Variants in MYO3B observed in about 807,000 individuals in gnomAD.
The protein encoded by MYO3B is myosin-IIIb.
Under a neutral mutation model 174.6 loss-of-function variants are expected in MYO3B, and 156 were observed. That is an observed-to-expected ratio of 0.89 (90% confidence interval 0.78 to 1.02). MYO3B has a LOEUF of 1.02. Among genes scored for constraint, MYO3B ranks in the 50% least tolerant of loss-of-function variants. MYO3B has a pLI of 0.00. For synonymous variants in MYO3B, 563 were observed against 569.1 expected (o/e 0.99, Z 0.15); for missense variants, 1,632 against 1,639.4 (o/e 1.00, Z 0.08).
chr2:170,212,112 G>A (rs2092776646), intron 3 of MYO3B, among the ~76,000 whole-genome samples: 1 of 151,952 alleles, frequency 6.6e-6, no homozygotes. Flanking sequence ...GTGTGGTGGC[G>A]CATACCTGTA....
intron 32 of MYO3B, among the ~76,000 whole-genome samples, chr2:170,560,217 T>C (rs1691614998): frequency 6.6e-6 from 1 of 152,232 alleles, no homozygotes; most frequent in Non-Finnish European, 1.5e-5. Flanking sequence ...TTTCCCTCGA[T>C]ACTACCACAA....
At position 170,383,819 on chromosome 2, in the gene MYO3B, G is replaced by A; in HGVS notation, c.1290+5G>A. 3 of 1,604,844 alleles carry A rather than the reference G, an allele frequency of 1.9e-6. No individual in the cohort carries two copies. Among genetic ancestry groups the A allele is most frequent in the Non-Finnish European group, 1.7e-6 (2 of 1,171,652 alleles). ...GTTACTCTCAGCAAAGACCAGGTAA[G>A]AACTCACCTTCCTTTCCTACGGAGT... is the stretch of plus-strand genomic sequence containing the variant. On this transcript the variant is annotated splice_donor_5th_base_variant and intron_variant, in intron 12 of 34. Coordinates refer to ENST00000408978, the MANE Select transcript of MYO3B (RefSeq NM_138995.5).
At chr2:170,462,013 A>G (rs1684322635) in intron 23 of MYO3B, among the ~76,000 whole-genome samples, 1 of 152,210 alleles carries the variant, frequency 6.6e-6, no homozygotes, top group African/African-American at 2.4e-5. Flanking sequence ...TGAGAAAGGG[A>G]AAGAAACCTC....
Position 170,280,888 on chromosome 2 carries a change from A to G in MYO3B, c.749+44752A>G, listed in dbSNP as rs142696196. On this transcript the variant is annotated intron_variant, in intron 7 of 34. Coordinates refer to ENST00000408978, the MANE Select transcript of MYO3B (RefSeq NM_138995.5). ...GTTTTGGTTACTGTAGCCCTGTAGT[A>G]TAGTTTAAAGTTTAGTAATATGATG... Among the ~76,000 whole-genome samples, 353 of 152,190 alleles carry G rather than the reference A, an allele frequency of 2.3e-3. 1 individual carries two copies. Among genetic ancestry groups the G allele is most frequent in the African/African-American group, 7.7e-3 (321 of 41,520 alleles).
chr2:170,227,885 A>G (rs1266000237), intron 6 of MYO3B, among the ~76,000 whole-genome samples: 9 of 152,122 alleles, frequency 5.9e-5, no homozygotes, highest in African/African-American at 1.7e-4. Context: ...TTGAGCGCAT[A>G]TATCTCTTAA....
Position 170,420,784 on chromosome 2 carries a change from T to C in MYO3B, c.2650+12940T>C, listed in dbSNP as rs1157356581. Among the ~76,000 whole-genome samples the C allele has an allele frequency of 2.6e-5, 4 of 152,134 alleles. No individual in the cohort carries two copies. The East Asian group carries it at 5.8e-4, about 22-fold the overall frequency. On this transcript the variant is annotated intron_variant, in intron 22 of 34. Coordinates refer to ENST00000408978, the MANE Select transcript of MYO3B (RefSeq NM_138995.5). ...CTGTTTCATTTATATACCAAACATG[T>C]AGTCAGTACTGGTCACATTACTTCA...
chr2:170,329,014 T>C (rs1317166350), intron 7 of MYO3B, among the ~76,000 whole-genome samples: 1 of 152,040 alleles, frequency 6.6e-6, no homozygotes, highest in Non-Finnish European at 1.5e-5. Flanking sequence ...TAGCCGGGCA[T>C]GATGGCAGGT....
At chr2:170,430,296 C>T (rs1179151590) in intron 22 of MYO3B, among the ~76,000 whole-genome samples, 1 of 151,904 alleles carries the variant, frequency 6.6e-6, no homozygotes, top group Non-Finnish European at 1.5e-5. Context: ...TCCCCCTTAC[C>T]TGGACACTAG....
intron 32 of MYO3B, among the ~76,000 whole-genome samples, chr2:170,557,268 T>A (rs890521190): frequency 6.6e-6 from 1 of 151,826 alleles, no homozygotes; most frequent in African/African-American, 2.4e-5. Flanking sequence ...GCTTCCGGAG[T>A]TGCTGGGACT....
chr2:170,542,840 CCTCT>C lies in MYO3B; in HGVS notation c.3576-63_3576-60del, dbSNP rs776860554. On this transcript the variant is annotated intron_variant, in intron 30 of 34. Transcript: ENST00000408978. ...TGATATATCTTTGAAGAAAAACAGTCCTCTCTAAGTTTTTCTATTATTATTTTCA... is the reference window on the plus strand; with the variant it reads ...TGATATATCTTTGAAGAAAAACAGTCCTAAGTTTTTCTATTATTATTTTCA... 122 of 1,212,646 alleles carry C rather than the reference CCTCT, an allele frequency of 1.0e-4. 1 individual carries two copies. The highest frequency in any genetic ancestry group is 9.5e-4 in the African/African-American group (61 of 64,452). 75.1% of individuals were successfully genotyped at this position (1,212,646 alleles called of 1,614,324 possible).
chr2:170,621,144 C>T lies in MYO3B; in HGVS notation c.3734-30484C>T, dbSNP rs1029878678. Among the ~76,000 whole-genome samples the T allele has an allele frequency of 3.9e-5, 6 of 152,244 alleles. No individual in the cohort carries two copies. The East Asian group carries it at 1.2e-3, about 29-fold the overall frequency. ...CCTCAAGCAATCCACCCGCCTCGGC[C>T]TCCCAAAGTGCTGGGATTACATGCA... On this transcript the variant is annotated intron_variant, in intron 32 of 34. Coordinates refer to ENST00000408978, the MANE Select transcript of MYO3B (RefSeq NM_138995.5).
chr2:170,299,812 G>A (rs910264930), intron 7 of MYO3B, among the ~76,000 whole-genome samples: 1 of 152,176 alleles, frequency 6.6e-6, no homozygotes, highest in Non-Finnish European at 1.5e-5. Flanking sequence ...GTGGGCAAGG[G>A]CAGTAAGAAA....
At chr2:170,590,954 T>C (rs1693786158) in intron 32 of MYO3B, among the ~76,000 whole-genome samples, 1 of 152,188 alleles carries the variant, frequency 6.6e-6, no homozygotes, top group South Asian at 2.1e-4. Flanking sequence ...CTTGAGAGAC[T>C]ATGTCTCAAT....
chr2:170,383,623 A>G, intron 11 of MYO3B, 87 bp from the exon 12 acceptor site: 1 of 983,334 alleles, frequency 1.0e-6, no homozygotes, highest in Non-Finnish European at 1.6e-6. Flanking sequence ...TACCCTAATA[A>G]GTGACAGATT....
chr2:170,266,615 G>A (rs546332003), intron 7 of MYO3B, among the ~76,000 whole-genome samples: 80 of 152,306 alleles, frequency 5.3e-4, no homozygotes, highest in African/African-American at 1.8e-3. Flanking sequence ...ACACAAATGA[G>A]AGAAGGAAGT....
intron 32 of MYO3B, among the ~76,000 whole-genome samples, chr2:170,544,601 A>T (rs1690352782): frequency 6.6e-6 from 1 of 152,238 alleles, no homozygotes; most frequent in Non-Finnish European, 1.5e-5. Context: ...AATGCTCCTG[A>T]TGTTACACTT....
chr2:170,544,128 T>G lies in MYO3B; in HGVS notation c.3733+140T>G, dbSNP rs576392421. 9.0e-5 allele frequency: 51 copies of G among 566,156 alleles called. 1 individual carries two copies. In the South Asian group the frequency reaches 1.1e-3, roughly 13 times the overall value. The allele number at this position is 566,156 out of a possible 1,614,324, so 35.1% of individuals were successfully genotyped here. A position where few individuals can be genotyped will look rare whatever the true frequency, so the allele number is the denominator to read the frequency against. ...AAAAGTTTTGGGAAGCCATACATGCTGGATGTAAAACTTGTATTAAAGGTA... is the reference window on the plus strand; with the variant it reads ...AAAAGTTTTGGGAAGCCATACATGCGGGATGTAAAACTTGTATTAAAGGTA... On this transcript the variant is annotated intron_variant, in intron 32 of 34. Transcript: ENST00000408978.
chr2:170,246,635 C>T (rs959224804), intron 7 of MYO3B, among the ~76,000 whole-genome samples: 5 of 152,002 alleles, frequency 3.3e-5, no homozygotes, highest in African/African-American at 9.7e-5. Context: ...GGATCCTCCC[C>T]CAGAGGCTTC....
At chr2:170,337,008 C>A (rs138530359) in intron 8 of MYO3B, among the ~76,000 whole-genome samples, 13 of 151,410 alleles carry the variant, frequency 8.6e-5, no homozygotes, top group African/African-American at 2.7e-4. Flanking sequence ...TATCTCGTTG[C>A]CCCTTTAGCC....
Sources: gnomAD v4.1 joint callset for allele counts (sites outside exome capture counted in the v4.1 genomes callset) on GRCh38, gnomAD v4.1.1 for gene constraint, MANE v1.5 for transcripts, NCBI Gene and HGNC (gene_info 2026-07-23, HGNC 2026-07-21) for gene names.